CSMD1: variants seen among roughly 807,000 people sequenced by gnomAD.
The protein encoded by CSMD1 is CUB and sushi domain-containing protein 1.
A neutral mutation model predicts 417.5 loss-of-function variants in CSMD1; 213 were observed. The ratio of observed to expected loss-of-function variants is 0.51; its 90% CI spans 0.46 to 0.57. The LOEUF (loss-of-function observed/expected upper bound fraction) is 0.57, where lower values mean the gene tolerates loss of function less well. Ranked by LOEUF, CSMD1 falls within the 20% of genes least tolerant of loss-of-function variation. The pLI is 0.00. For missense variants in CSMD1, 6,923 were observed against 4,529.7 expected (o/e 1.53, Z -15.17); for synonymous variants, 2,862 against 1,736.8 (o/e 1.65, Z -16.11).
intron 3 of CSMD1, among the ~76,000 whole-genome samples, chr8:4,342,027 T>A (rs531777582): frequency 6.6e-6 from 1 of 152,126 alleles, no homozygotes; most frequent in African/African-American, 2.4e-5. Context: ...GGTCTCAAGA[T>A]ACAAATTCTT....
chr8:3,803,912 T>C (rs1585023559), intron 5 of CSMD1, among the ~76,000 whole-genome samples: 1 of 152,176 alleles, frequency 6.6e-6, no homozygotes, highest in East Asian at 1.9e-4. Flanking sequence ...GGAGAGAAGG[T>C]TAAGAGACAA....
intron 57 of CSMD1, among the ~76,000 whole-genome samples, chr8:2,972,046 T>C (rs1362548991): frequency 1.3e-5 from 2 of 152,076 alleles, no homozygotes; most frequent in Non-Finnish European, 2.9e-5. Context: ...CATGGGTAAA[T>C]ATAATATATA....
At chr8:4,192,050 G>C (rs1799063424) in intron 3 of CSMD1, among the ~76,000 whole-genome samples, 3 of 152,084 alleles carry the variant, frequency 2.0e-5, no homozygotes, top group Admixed American at 6.6e-5. Context: ...AAAAGTATTT[G>C]TGTTTTCATC....
chr8:4,511,696 G>A lies in CSMD1; in HGVS notation c.303-91631C>T, dbSNP rs181103078. ...GAGTGGGAGTAGGGAAGGCAGAGCC[G>A]TAACTGATGAACTGCTGCTGGCTCA... On this transcript the variant is annotated intron_variant, in intron 2 of 69. Coordinates refer to ENST00000635120, the MANE Select transcript of CSMD1 (RefSeq NM_033225.6). 7.2e-5 allele frequency among the ~76,000 whole-genome samples: 11 copies of A among 152,258 alleles called. No individual in the cohort carries two copies. In the East Asian group the frequency reaches 7.7e-4, roughly 11 times the overall value.
intron 1 of CSMD1, among the ~76,000 whole-genome samples, chr8:4,653,473 T>C (rs1804035866): frequency 6.6e-6 from 1 of 152,148 alleles, no homozygotes; most frequent in Non-Finnish European, 1.5e-5. Context: ...AAAATTTGCA[T>C]TTCAAATAAA....
intron 5 of CSMD1, among the ~76,000 whole-genome samples, chr8:3,991,210 T>C (rs1174717170): frequency 6.6e-6 from 1 of 152,172 alleles, no homozygotes; most frequent in Non-Finnish European, 1.5e-5. Context: ...GGATAAGGCA[T>C]GTGAAAGAAA....
At chr8:3,940,505 G>GTGTT (rs1356224302) in intron 5 of CSMD1, among the ~76,000 whole-genome samples, 2 of 69,824 alleles carry the variant, frequency 2.9e-5, no homozygotes, top group South Asian at 7.5e-4. Context: ...CTCTGTGTGT[G>GTGTT]TGTGTGTGTG....
rs1801539807 is a variant in CSMD1, at chr8:2,937,160, G to C, written c.*1425C>G. ...TTTTATTTGCCCTGGGGATCTTATA[G>C]ATTTTATTTGCATCATAACTTATCA... On this transcript the variant is annotated 3_prime_UTR_variant, in exon 70 of 70. Coordinates refer to ENST00000635120, the MANE Select transcript of CSMD1 (RefSeq NM_033225.6). The C allele has an allele frequency of 1.3e-5, 2 of 152,064 alleles. No individual in the cohort carries two copies. The highest frequency in any genetic ancestry group is 2.1e-4 in the South Asian group (1 of 4,822). 9.4% of individuals were successfully genotyped at this position (152,064 alleles called of 1,614,324 possible).
intron 2 of CSMD1, among the ~76,000 whole-genome samples, chr8:4,473,347 C>T (rs552318709): frequency 2.6e-5 from 4 of 152,232 alleles, no homozygotes; most frequent in South Asian, 2.1e-4. Context: ...CAACCTGATG[C>T]CATTGGGGTA....
Position 3,998,022 on chromosome 8 carries a change from G to A in CSMD1, c.699C>T (p.Asp233=), listed in dbSNP as rs772576183. 8.7e-6 allele frequency: 14 copies of A among 1,606,826 alleles called. No homozygotes were observed. The highest frequency in any genetic ancestry group is 5.1e-5 in the Admixed American group (3 of 59,098). Residue 233 remains aspartate (D), a synonymous_variant, in exon 5 of 70, where the codon GAC becomes GAT. Transcript: ENST00000635120. ...GCTCAGCCAGAATGGTCCAGGTGCA[G>A]TCCGCGTTGTTCTCGTACTCTGAAG... ...HFPSEYENNA[D]CTWTILAEPG... is the part of the protein sequence containing the mutation.
intron 6 of CSMD1, among the ~76,000 whole-genome samples, chr8:3,741,457 A>C (rs977691724): frequency 6.6e-6 from 1 of 152,164 alleles, no homozygotes; most frequent in Non-Finnish European, 1.5e-5. Context: ...ATCATGACAG[A>C]GGGAGTAGCA....
intron 5 of CSMD1, among the ~76,000 whole-genome samples, chr8:3,840,373 G>A (rs781090107): frequency 3.9e-5 from 6 of 152,188 alleles, no homozygotes; most frequent in Admixed American, 2.6e-4. Context: ...CAAATATGCT[G>A]AGGGAGAATA....
At chr8:4,720,792 G>T (rs1306393056) in intron 1 of CSMD1, among the ~76,000 whole-genome samples, 1 of 152,068 alleles carries the variant, frequency 6.6e-6, no homozygotes, top group Non-Finnish European at 1.5e-5. Flanking sequence ...TTGTGACTTA[G>T]AATTCCATCT....
intron 5 of CSMD1, among the ~76,000 whole-genome samples, chr8:3,906,873 G>C (rs1349866056): frequency 2.6e-5 from 4 of 152,124 alleles, no homozygotes; most frequent in Non-Finnish European, 5.9e-5. Flanking sequence ...AAAAGTATTA[G>C]TACCAAGTCT....
intron 3 of CSMD1, among the ~76,000 whole-genome samples, chr8:4,132,433 T>G (rs1431201145): frequency 6.6e-6 from 1 of 152,190 alleles, no homozygotes; most frequent in Non-Finnish European, 1.5e-5. Context: ...GAAACTATTT[T>G]TATTTAAAGG....
chr8:3,099,544 CCAAT>C (rs1192724012), intron 46 of CSMD1, among the ~76,000 whole-genome samples: 1 of 152,142 alleles, frequency 6.6e-6, no homozygotes, highest in Non-Finnish European at 1.5e-5. Flanking sequence ...AAACAGTTAG[CCAAT>C]CTCTCTACCC....
intron 3 of CSMD1, among the ~76,000 whole-genome samples, chr8:4,373,401 A>C (rs1007494938): frequency 1.3e-5 from 2 of 152,220 alleles, no homozygotes; most frequent in African/African-American, 2.4e-5. Context: ...CAGAATATAA[A>C]ATGTTAACAA....
At chr8:3,593,711 C>G (rs1312181691) in intron 8 of CSMD1, among the ~76,000 whole-genome samples, 2 of 152,198 alleles carry the variant, frequency 1.3e-5, no homozygotes, top group Non-Finnish European at 2.9e-5. Context: ...TTTTATACAT[C>G]AGAATTTATA....
At chr8:3,765,691 C>G (rs973715302) in intron 5 of CSMD1, among the ~76,000 whole-genome samples, 1 of 152,224 alleles carries the variant, frequency 6.6e-6, no homozygotes, top group African/African-American at 2.4e-5. Flanking sequence ...TCCTCTCATG[C>G]CCAGTGGCTT....
Sources: gnomAD v4.1 joint callset for allele counts (sites outside exome capture counted in the v4.1 genomes callset) on GRCh38, gnomAD v4.1.1 for gene constraint, MANE v1.5 for transcripts, NCBI Gene and HGNC (gene_info 2026-07-23, HGNC 2026-07-21) for gene names.